NKAIN3: variants seen among roughly 807,000 people sequenced by gnomAD.
NKAIN3 encodes the protein sodium/potassium transporting ATPase interacting 3.
A neutral mutation model predicts 30.2 loss-of-function variants in NKAIN3; 25 were observed. The observed-to-expected ratio is 0.83, with a 90% CI of 0.60 to 1.16. NKAIN3 has a LOEUF of 1.16. Ranked by LOEUF, NKAIN3 falls within the 50% of genes most tolerant of loss-of-function variation. NKAIN3 has a pLI of 0.00. For synonymous variants in NKAIN3, 91 were observed against 89.6 expected (o/e 1.02, Z -0.09); for missense variants, 225 against 254.1 (o/e 0.89, Z 0.78).
At chr8:62,325,600 C>T (rs185827910) in intron 1 of NKAIN3, among the ~76,000 whole-genome samples, 2 of 152,214 alleles carry the variant, frequency 1.3e-5, no homozygotes, top group Admixed American at 1.3e-4. Context: ...TTCCCACATG[C>T]AGTGTAAAAA....
chr8:62,488,179 C>T (rs767433839), intron 1 of NKAIN3, among the ~76,000 whole-genome samples: 6 of 152,154 alleles, frequency 3.9e-5, no homozygotes, highest in Non-Finnish European at 7.3e-5. Flanking sequence ...CTTAACTCAA[C>T]CTCTTCCTAT....
chr8:62,894,201 G>T (rs968780915), intron 4 of NKAIN3, among the ~76,000 whole-genome samples: 1 of 152,086 alleles, frequency 6.6e-6, no homozygotes, highest in African/African-American at 2.4e-5. Flanking sequence ...TCTCCAGTAG[G>T]CAAGACAGAA....
At chr8:62,758,201 C>T (rs936260854) in intron 4 of NKAIN3, among the ~76,000 whole-genome samples, 11 of 151,954 alleles carry the variant, frequency 7.2e-5, no homozygotes, top group African/African-American at 1.2e-4. Flanking sequence ...AAAAAACTCA[C>T]GGAAAACAAA....
At chr8:62,580,276 T>G (rs79172336) in intron 2 of NKAIN3, among the ~76,000 whole-genome samples, 1 of 152,324 alleles carries the variant, frequency 6.6e-6, no homozygotes, top group African/African-American at 2.4e-5. Context: ...CACTCCATTA[T>G]AGGACAGTTT....
chr8:62,410,554 G>T (rs569081791), intron 1 of NKAIN3, among the ~76,000 whole-genome samples: 1 of 152,014 alleles, frequency 6.6e-6, no homozygotes, highest in Non-Finnish European at 1.5e-5. Context: ...CAAAAGATCA[G>T]TGAAACCAAG....
intron 1 of NKAIN3, among the ~76,000 whole-genome samples, chr8:62,529,106 C>T (rs1257413796): frequency 6.6e-6 from 1 of 152,106 alleles, no homozygotes; most frequent in Non-Finnish European, 1.5e-5. Flanking sequence ...GTACAGAACA[C>T]ACTCGCATGG....
At chr8:62,938,118 C>T (rs536315138) in intron 5 of NKAIN3, among the ~76,000 whole-genome samples, 3 of 152,076 alleles carry the variant, frequency 2.0e-5, no homozygotes, top group Non-Finnish European at 4.4e-5. Context: ...TCTCTACCCA[C>T]CCTGGTAGCC....
chr8:62,352,198 G>C (rs1816201927), intron 1 of NKAIN3, among the ~76,000 whole-genome samples: 1 of 152,174 alleles, frequency 6.6e-6, no homozygotes, highest in African/African-American at 2.4e-5. Context: ...GAAGAGGACA[G>C]AGGTGCTGAG....
intron 4 of NKAIN3, among the ~76,000 whole-genome samples, chr8:62,752,716 C>A (rs1036458881): frequency 2.6e-5 from 4 of 152,088 alleles, no homozygotes; most frequent in Non-Finnish European, 4.4e-5. Context: ...TAGAACTGTA[C>A]TGAGTGCAGA....
At chr8:62,328,895 C>A (rs1359986606) in intron 1 of NKAIN3, among the ~76,000 whole-genome samples, 2 of 152,006 alleles carry the variant, frequency 1.3e-5, no homozygotes, top group Non-Finnish European at 2.9e-5. Context: ...TACGTTGCAC[C>A]AGGGTTGGTC....
intron 1 of NKAIN3, among the ~76,000 whole-genome samples, chr8:62,335,229 C>A (rs1295391258): frequency 6.6e-6 from 1 of 151,804 alleles, no homozygotes. Context: ...GAGGTCAGAC[C>A]AGCCTGGCCA....
chr8:62,773,439 A>G (rs1817087139), intron 4 of NKAIN3, among the ~76,000 whole-genome samples: 1 of 152,002 alleles, frequency 6.6e-6, no homozygotes, highest in Non-Finnish European at 1.5e-5. Context: ...TGCCAGTACC[A>G]TGTTGTTTTG....
At chr8:62,996,969 G>A (rs1035267915) in intron 5 of NKAIN3, among the ~76,000 whole-genome samples, 2 of 152,134 alleles carry the variant, frequency 1.3e-5, no homozygotes, top group South Asian at 2.1e-4. Flanking sequence ...GGTGCAAGCT[G>A]TCGGTGGATC....
At chr8:62,277,920 A>G (rs896991561) in intron 1 of NKAIN3, among the ~76,000 whole-genome samples, 1 of 152,126 alleles carries the variant, frequency 6.6e-6, no homozygotes, top group Non-Finnish European at 1.5e-5. Flanking sequence ...GATAAAGGAG[A>G]CTTTACCTTT....
chr8:62,525,648 G>T (rs892531609), intron 1 of NKAIN3, among the ~76,000 whole-genome samples: 1 of 152,094 alleles, frequency 6.6e-6, no homozygotes, highest in East Asian at 1.9e-4. Flanking sequence ...GAGCACTGAG[G>T]TTCCACCCAT....
intron 4 of NKAIN3, among the ~76,000 whole-genome samples, chr8:62,771,222 G>A (rs935003428): frequency 2.0e-4 from 30 of 152,040 alleles, no homozygotes; most frequent in African/African-American, 7.0e-4. Flanking sequence ...GAGCCCGGGA[G>A]TTCAAGACCA....
chr8:62,662,531 C>T (rs544520212), intron 3 of NKAIN3, among the ~76,000 whole-genome samples: 1 of 152,320 alleles, frequency 6.6e-6, no homozygotes, highest in African/African-American at 2.4e-5. Flanking sequence ...TCGTATCCCC[C>T]TAACCTTCAG....
At chr8:62,481,833 T>C (rs1806731382) in intron 1 of NKAIN3, among the ~76,000 whole-genome samples, 1 of 152,226 alleles carries the variant, frequency 6.6e-6, no homozygotes, top group African/African-American at 2.4e-5. Flanking sequence ...AATTCCTAAC[T>C]GTGAACAGGT....
At chr8:62,699,463 G>A (rs1298838949) in intron 3 of NKAIN3, among the ~76,000 whole-genome samples, 1 of 152,160 alleles carries the variant, frequency 6.6e-6, no homozygotes, top group African/African-American at 2.4e-5. Flanking sequence ...GTGAAAATCT[G>A]ATTACATGAT....
Sources: allele counts gnomAD v4.1 joint callset (sites outside exome capture counted in the v4.1 genomes callset), GRCh38; gene constraint gnomAD v4.1.1; transcripts MANE v1.5; gene names NCBI Gene and HGNC (gene_info 2026-07-23, HGNC 2026-07-21).